DLG2: variants seen among roughly 807,000 people sequenced by gnomAD.
DLG2 encodes disks large homolog 2.
Under a neutral mutation model 132.5 loss-of-function variants are expected in DLG2, and 45 were observed. The observed-to-expected ratio is 0.34, with a 90% CI of 0.27 to 0.44. The LOEUF (loss-of-function observed/expected upper bound fraction) is 0.44, where lower values mean the gene tolerates loss of function less well. Among genes scored for constraint, DLG2 ranks in the 20% least tolerant of loss-of-function variants. The pLI is 1.00. For missense variants in DLG2, 1,045 were observed against 1,196.9 expected (o/e 0.87, Z 1.87); for synonymous variants, 424 against 419.6 (o/e 1.01, Z -0.13).
At chr11:83,867,579 C>T (rs71465563) in intron 16 of DLG2, among the ~76,000 whole-genome samples, 13,088 of 152,012 alleles carry the variant, frequency 0.086, 779 homozygotes, top group Non-Finnish European at 0.13. Context: ...CAAGTATTTA[C>T]CTAGAAAATC....
intron 11 of DLG2, among the ~76,000 whole-genome samples, chr11:84,056,461 A>G (rs759953329): frequency 6.6e-6 from 1 of 152,010 alleles, no homozygotes; most frequent in Non-Finnish European, 1.5e-5. Context: ...AGCTGAGTTC[A>G]TTTTCTGTTG....
chr11:85,429,612 C>T lies in DLG2; in HGVS notation c.41-144247G>A, dbSNP rs147022549. Among the ~76,000 whole-genome samples the T allele has an allele frequency of 3.5e-3, 528 of 152,244 alleles. 3 individuals are homozygous for T. The highest frequency in any genetic ancestry group is 0.012 in the African/African-American group (502 of 41,544). ...GCCAAAAGACACATAAAAAAATGCT[C>T]GTCATCACTGGCCATCAGAGAAATG... On this transcript the variant is annotated intron_variant, in intron 3 of 27. Transcript: ENST00000376104.
chr11:84,370,914 G>A (rs1054547591), intron 7 of DLG2, among the ~76,000 whole-genome samples: 2 of 152,110 alleles, frequency 1.3e-5, no homozygotes, highest in Non-Finnish European at 2.9e-5. Context: ...GTGGTGGGAG[G>A]AGGGCATCTA....
rs542476924 is a variant in DLG2 at position 84,243,017 on chromosome 11, C to CTCTCTCTCTATATA, written c.573+8220_573+8221insTATATAGAGAGAGA. On this transcript the variant is annotated intron_variant, in intron 8 of 27. Transcript: ENST00000376104. Reference sequence around the variant, plus strand: ...GTTCTCTCTCTCTCTCTCTCTCTCTCTATATATATATATATATATATACAC... The same window carrying CTCTCTCTCTATATA: ...GTTCTCTCTCTCTCTCTCTCTCTCTCTCTCTCTCTATATATATATATATATATATATATATACAC... Among the ~76,000 whole-genome samples the CTCTCTCTCTATATA allele has an allele frequency of 1.4e-3, 204 of 142,180 alleles. 1 individual carries two copies. Among genetic ancestry groups the CTCTCTCTCTATATA allele is most frequent in the African/African-American group, 2.6e-3 (99 of 38,158 alleles). 93.3% of individuals were successfully genotyped at this position (142,180 alleles called of 152,430 possible). A position where few individuals can be genotyped will look rare whatever the true frequency, so the allele number is the denominator to read the frequency against.
chr11:85,120,365 T>C lies in DLG2; in HGVS notation c.283-8630A>G, dbSNP rs553774434. 5.9e-5 allele frequency among the ~76,000 whole-genome samples: 9 copies of C among 152,208 alleles called. No individual in the cohort carries two copies. In the South Asian group the frequency reaches 1.7e-3, roughly 28 times the overall value. On this transcript the variant is annotated intron_variant, in intron 5 of 27. Coordinates refer to ENST00000376104, the MANE Select transcript of DLG2 (RefSeq NM_001142699.3). ...GAACTTTAGATTTCTAAGTAAATTA[T>C]GGGTGTATTAATTCAGGACAGTTTT...
At chr11:83,766,396 CTTTTT>C (rs35039524) in intron 18 of DLG2, among the ~76,000 whole-genome samples, 1 of 132,416 alleles carries the variant, frequency 7.6e-6, no homozygotes, top group Admixed American at 7.6e-5. Context: ...CCTGGCCTGC[CTTTTT>C]TTTTTTTTTT....
chr11:84,487,779 C>T lies in DLG2; in HGVS notation c.519+46791G>A, dbSNP rs144860712. Reference sequence around the variant, plus strand: ...ACACAGCTGGGAAAAATGAGGAAGGCTTCACCAAGGAAGTACCACTAAAAT... The same window carrying T: ...ACACAGCTGGGAAAAATGAGGAAGGTTTCACCAAGGAAGTACCACTAAAAT... On this transcript the variant is annotated intron_variant, in intron 7 of 27. Transcript: ENST00000376104. Among the ~76,000 whole-genome samples, 60 of 152,066 alleles carry T rather than the reference C, an allele frequency of 3.9e-4. No individual in the cohort carries two copies. The South Asian group carries it at 4.6e-3, about 12-fold the overall frequency.
chr11:84,788,320 T>C (rs2073273734), intron 6 of DLG2, among the ~76,000 whole-genome samples: 1 of 152,070 alleles, frequency 6.6e-6, no homozygotes, highest in Admixed American at 6.6e-5. Context: ...ACGACCTATA[T>C]TCAACATGAG....
intron 6 of DLG2, among the ~76,000 whole-genome samples, chr11:84,779,575 C>G (rs991849715): frequency 6.6e-6 from 1 of 152,028 alleles, no homozygotes; most frequent in African/African-American, 2.4e-5. Context: ...CCTGATCGTT[C>G]TGGCTAGGAC....
At chr11:83,660,447 T>C (rs2073964458) in intron 18 of DLG2, among the ~76,000 whole-genome samples, 1 of 152,146 alleles carries the variant, frequency 6.6e-6, no homozygotes, top group South Asian at 2.1e-4. Flanking sequence ...ACCCAAAAAG[T>C]GAAAAGTTTG....
At chr11:84,847,926 G>A (rs1007301772) in intron 6 of DLG2, among the ~76,000 whole-genome samples, 1 of 152,076 alleles carries the variant, frequency 6.6e-6, no homozygotes, top group Non-Finnish European at 1.5e-5. Context: ...CTTAGACTGG[G>A]AGGGACAGAG....
intron 14 of DLG2, among the ~76,000 whole-genome samples, chr11:83,950,296 A>G (rs1291467384): frequency 6.6e-6 from 1 of 152,194 alleles, no homozygotes; most frequent in Non-Finnish European, 1.5e-5. Context: ...TATTGTTTGT[A>G]AAAAATACAA....
intron 19 of DLG2, among the ~76,000 whole-genome samples, chr11:83,606,361 C>T (rs755494918): frequency 6.6e-6 from 1 of 151,994 alleles, no homozygotes; most frequent in African/African-American, 2.4e-5. Context: ...TATCTAAATC[C>T]GTAGGCATTT....
At chr11:84,380,986 A>G (rs1046395122) in intron 7 of DLG2, among the ~76,000 whole-genome samples, 1 of 151,972 alleles carries the variant, frequency 6.6e-6, no homozygotes, top group Non-Finnish European at 1.5e-5. Flanking sequence ...TGTCCCTTAA[A>G]GTTATGCGAA....
chr11:83,878,325 C>A (rs193260686), intron 15 of DLG2, among the ~76,000 whole-genome samples: 4 of 152,270 alleles, frequency 2.6e-5, no homozygotes, highest in African/African-American at 9.6e-5. Context: ...TGAATTCCAT[C>A]TATCTGTAAG....
intron 7 of DLG2, among the ~76,000 whole-genome samples, chr11:84,329,475 C>A (rs935481477): frequency 1.3e-5 from 2 of 152,086 alleles, no homozygotes; most frequent in Non-Finnish European, 2.9e-5. Context: ...AAGGAGTTTC[C>A]CACTTTGCTT....
At chr11:85,249,440 CAT>C (rs2076292371) in intron 4 of DLG2, among the ~76,000 whole-genome samples, 1 of 151,556 alleles carries the variant, frequency 6.6e-6, no homozygotes, top group African/African-American at 2.4e-5. Flanking sequence ...ATATTAAATA[CAT>C]ATATAAATAT....
chr11:85,154,904 T>C (rs1177446287), intron 4 of DLG2, among the ~76,000 whole-genome samples: 1 of 152,178 alleles, frequency 6.6e-6, no homozygotes, highest in Non-Finnish European at 1.5e-5. Context: ...GTGTTGAACA[T>C]GGGCTATTCA....
chr11:85,510,701 T>C (rs2094043016), intron 3 of DLG2, among the ~76,000 whole-genome samples: 1 of 152,076 alleles, frequency 6.6e-6, no homozygotes, highest in African/African-American at 2.4e-5. Flanking sequence ...AGAATGGTGA[T>C]CATTAAAAAG....
Sources: gnomAD v4.1 joint callset for allele counts (sites outside exome capture counted in the v4.1 genomes callset) on GRCh38, gnomAD v4.1.1 for gene constraint, MANE v1.5 for transcripts, NCBI Gene and HGNC (gene_info 2026-07-23, HGNC 2026-07-21) for gene names.